Variants in SMLR1 observed in about 807,000 individuals in gnomAD.
SMLR1 encodes small leucine-rich protein 1.
A neutral mutation model predicts 6.1 loss-of-function variants in SMLR1; 3 were observed. The ratio of observed to expected loss-of-function variants is 0.49; its 90% confidence interval spans 0.22 to 1.28. The LOEUF (loss-of-function observed/expected upper bound fraction) is 1.28, where lower values mean the gene tolerates loss of function less well. Among genes scored for constraint, SMLR1 ranks in the 50% most tolerant of loss-of-function variants. SMLR1 has a pLI of 0.19. For synonymous variants in SMLR1, 55 were observed against 53.6 expected (o/e 1.03, Z -0.11); for missense variants, 126 against 124.8 (o/e 1.01, Z -0.05).
rs1774611633 is a variant in SMLR1 at position 130,835,115 on chromosome 6, T to C, written c.*160T>C. The C allele has an allele frequency of 9.5e-6, 6 of 631,856 alleles. No homozygotes were observed. Among genetic ancestry groups the C allele is most frequent in the Non-Finnish European group, 1.6e-5 (6 of 366,682 alleles). The allele number at this position is 631,856 out of a possible 1,614,324, so 39.1% of individuals were successfully genotyped here. ...CTGAACCATACTGAAAAGTGGCAGC[T>C]ATTATCTAAGGGGACTTCTCAGAGA... On this transcript the variant is annotated 3_prime_UTR_variant, in exon 2 of 2. Coordinates refer to ENST00000541421, the MANE Select transcript of SMLR1 (RefSeq NM_001195597.2).
intron 1 of SMLR1, among the ~76,000 whole-genome samples, chr6:130,831,077 G>A (rs1185870776): frequency 1.3e-5 from 2 of 152,320 alleles, no homozygotes; most frequent in East Asian, 1.9e-4. Context: ...CTCGGGGTCT[G>A]GATCTGGACC....
chr6:130,834,865 T>C lies in SMLR1; in HGVS notation c.239-5T>C. On this transcript the variant is annotated splice_region_variant and splice_polypyrimidine_tract_variant and intron_variant, in intron 1 of 1. Coordinates refer to ENST00000541421, the MANE Select transcript of SMLR1 (RefSeq NM_001195597.2). ...CAAATTATTAACTAATATTTTTCCT[T>C]TCAGTTAATGAAGAACTGTCCCAGA... The C allele has an allele frequency of 6.5e-7, 1 of 1,534,036 alleles. No homozygotes were observed. The highest frequency in any genetic ancestry group is 8.7e-7 in the Non-Finnish European group (1 of 1,145,230).
At chr6:130,828,914 C>T (rs777203052) in intron 1 of SMLR1, among the ~76,000 whole-genome samples, 6 of 152,094 alleles carry the variant, frequency 3.9e-5, no homozygotes, top group Non-Finnish European at 7.4e-5. Flanking sequence ...AAGTAGCCTC[C>T]AAAAAGGAAG....
chr6:130,832,674 G>A (rs1181574888), intron 1 of SMLR1, among the ~76,000 whole-genome samples: 1 of 152,132 alleles, frequency 6.6e-6, no homozygotes, highest in Non-Finnish European at 1.5e-5. Flanking sequence ...TATTAAAATA[G>A]TCTTGGGATA....
intron 1 of SMLR1, 143 bp downstream of exon 1, chr6:130,827,794 C>G (rs1209033091): frequency 8.9e-6 from 6 of 676,274 alleles, no homozygotes; most frequent in Non-Finnish European, 1.5e-5. Context: ...TCAGTGTTCT[C>G]TCAAGTTCCT....
At position 130,836,134 on chromosome 6, in the gene SMLR1, G is replaced by A. The variant is rs7756353; in HGVS notation, c.*1179G>A. ...CTAAAATTCTTGATACCCATTCCGT[G>A]AGTAGTTTCCATTTGCACTTCTTGC... On this transcript the variant is annotated 3_prime_UTR_variant, in exon 2 of 2. Transcript: ENST00000541421. 1 of 152,236 alleles carries A rather than the reference G, an allele frequency of 6.6e-6. No homozygotes were observed. Among genetic ancestry groups the A allele is most frequent in the South Asian group, 2.1e-4 (1 of 4,824 alleles). The allele number at this position is 152,236 out of a possible 1,614,324, so 9.4% of individuals were successfully genotyped here. A position where few individuals can be genotyped will look rare whatever the true frequency, so the allele number is the denominator to read the frequency against.
intron 1 of SMLR1, among the ~76,000 whole-genome samples, chr6:130,832,938 G>T (rs755986482): frequency 5.3e-5 from 8 of 152,090 alleles, no homozygotes; most frequent in Non-Finnish European, 1.0e-4. Context: ...TATAACGGGG[G>T]TCATAATAGT....
Position 130,827,422 on chromosome 6 carries a change from CAAAGGCCG to C in SMLR1, c.10_17del (p.Lys4GlufsTer73), listed in dbSNP as rs770347352. On this transcript the variant is annotated frameshift_variant, in exon 1 of 2. Coordinates refer to ENST00000541421, the MANE Select transcript of SMLR1 (RefSeq NM_001195597.2). LOFTEE classifies it high-confidence loss of function. ...AAAAATTCCACTGAGACATGCTGAGCAAAGGCCGGAGCCCCAGAAGAAAACAAGTACAG... is the reference window on the plus strand; with the variant it reads ...AAAAATTCCACTGAGACATGCTGAGCGAGCCCCAGAAGAAAACAAGTACAG... 21 of 1,535,884 alleles carry C rather than the reference CAAAGGCCG, an allele frequency of 1.4e-5. No individual in the cohort carries two copies. The South Asian group carries it at 2.5e-4, about 18-fold the overall frequency.
rs185249198 is a variant in SMLR1 at position 130,834,952 on chromosome 6, G to A, written c.321G>A (p.Thr107=). Residue 107 remains threonine, a synonymous_variant, in exon 2 of 2, where the codon ACG becomes ACA. Transcript: ENST00000541421. ...CCCTGTACCAGAGAATGAAATGGAC[G>A]TGAAGTTGGGGACTTTCCAATAACT... is the stretch of plus-strand genomic sequence containing the variant. ...GSSLYQRMKW[T] is the part of the protein sequence containing the mutation. 5.9e-6 allele frequency: 9 copies of A among 1,534,864 alleles called. No homozygotes were observed. Among genetic ancestry groups the A allele is most frequent in the African/African-American group, 1.4e-5 (1 of 72,970 alleles).
chr6:130,832,790 G>A (rs1267886892), intron 1 of SMLR1, among the ~76,000 whole-genome samples: 1 of 152,160 alleles, frequency 6.6e-6, no homozygotes, highest in African/African-American at 2.4e-5. Context: ...ACCACCTCTG[G>A]AGTATCGAGT....
Position 130,835,920 on chromosome 6 carries a change from C to G in SMLR1, c.*965C>G, listed in dbSNP as rs1264319413. 6.6e-6 allele frequency: 1 copy of G among 152,134 alleles called. No homozygotes were observed. The highest frequency in any genetic ancestry group is 1.5e-5 in the Non-Finnish European group (1 of 68,020). The allele number at this position is 152,134 out of a possible 1,614,324, so 9.4% of individuals were successfully genotyped here. A position where few individuals can be genotyped will look rare whatever the true frequency, so the allele number is the denominator to read the frequency against. On this transcript the variant is annotated 3_prime_UTR_variant, in exon 2 of 2. Coordinates refer to ENST00000541421, the MANE Select transcript of SMLR1 (RefSeq NM_001195597.2). Reference sequence around the variant, plus strand: ...TTCTAAGTGTAAGACTGGTTACATTCCAATCTTTGTGCAGGACATTAACAG... The same window carrying G: ...TTCTAAGTGTAAGACTGGTTACATTGCAATCTTTGTGCAGGACATTAACAG...
chr6:130,834,213 G>T (rs964620397), intron 1 of SMLR1, among the ~76,000 whole-genome samples: 3 of 152,142 alleles, frequency 2.0e-5, no homozygotes, highest in African/African-American at 7.2e-5. Context: ...CTAAGGAGCA[G>T]ATAAAAGCAC....
rs943311101 is a variant in SMLR1, at chr6:130,827,623, C to T, written c.210C>T (p.Ile70=). The T allele has an allele frequency of 3.9e-6, 6 of 1,535,870 alleles. No homozygotes were observed. The highest frequency in any genetic ancestry group is 2.4e-5 in the South Asian group (2 of 84,062). Residue 70 remains isoleucine, a synonymous_variant, in exon 1 of 2, where the codon ATC becomes ATT. Coordinates refer to ENST00000541421, the MANE Select transcript of SMLR1 (RefSeq NM_001195597.2). ...LPVTLLLLLL[I]AYFRIKLIEV... The stretch of plus-strand genomic sequence containing the variant: ...TGACTTTGCTGCTGCTCCTCCTCAT[C>T]GCCTACTTCAGGATCAAACTGATTG...
At chr6:130,833,883 T>C (rs2236081) in intron 1 of SMLR1, among the ~76,000 whole-genome samples, 60,859 of 151,848 alleles carry the variant, frequency 0.4, 13,317 homozygotes, top group East Asian at 0.66. Flanking sequence ...CTGGGGTACA[T>C]GGCATACAAT....
intron 1 of SMLR1, among the ~76,000 whole-genome samples, chr6:130,828,309 A>G (rs956017062): frequency 1.3e-5 from 2 of 152,206 alleles, no homozygotes; most frequent in Admixed American, 1.3e-4. Context: ...ATTCTGCTAT[A>G]ATTAAAATTA....
In SMLR1 at chr6:130,835,164, A is replaced by G. The variant is rs1173347745; in HGVS notation, c.*209A>G. On this transcript the variant is annotated 3_prime_UTR_variant, in exon 2 of 2. Coordinates refer to ENST00000541421, the MANE Select transcript of SMLR1 (RefSeq NM_001195597.2). ...GACTCAGTATAACAGCAGCTCTTGA[A>G]AAGTACCAAGAATGGATTTCCTGGG... 2.4e-5 allele frequency: 13 copies of G among 546,558 alleles called. No homozygotes were observed. In the East Asian group the frequency reaches 3.8e-4, roughly 16 times the overall value. The allele number at this position is 546,558 out of a possible 1,614,324, so 33.9% of individuals were successfully genotyped here. A position where few individuals can be genotyped will look rare whatever the true frequency, so the allele number is the denominator to read the frequency against.
chr6:130,828,643 T>A (rs1774350049), intron 1 of SMLR1, among the ~76,000 whole-genome samples: 2 of 152,104 alleles, frequency 1.3e-5, no homozygotes, highest in African/African-American at 4.8e-5. Context: ...CATAAAGAAA[T>A]CCTAGGAGAC....
intron 1 of SMLR1, among the ~76,000 whole-genome samples, chr6:130,828,196 T>C (rs28753966): frequency 6.6e-6 from 1 of 152,190 alleles, no homozygotes; most frequent in Admixed American, 6.5e-5. Flanking sequence ...AAACGTTCCA[T>C]GGGATTATAG....
Position 130,835,290 on chromosome 6 carries a change from T to C in SMLR1, c.*335T>C, listed in dbSNP as rs1774619041. On this transcript the variant is annotated 3_prime_UTR_variant, in exon 2 of 2. Transcript: ENST00000541421. ...TAAAATTCTGCAGCATCTTACTACATAATCCCATAGGAACCCCTATTATTC... is the reference window on the plus strand; with the variant it reads ...TAAAATTCTGCAGCATCTTACTACACAATCCCATAGGAACCCCTATTATTC... The C allele has an allele frequency of 9.8e-6, 2 of 205,114 alleles. No homozygotes were observed. Among genetic ancestry groups the C allele is most frequent in the Non-Finnish European group, 2.0e-5 (2 of 99,126 alleles). The allele number at this position is 205,114 out of a possible 1,614,324, so 12.7% of individuals were successfully genotyped here.
Sources: allele counts gnomAD v4.1 joint callset (sites outside exome capture counted in the v4.1 genomes callset), GRCh38; gene constraint gnomAD v4.1.1; transcripts MANE v1.5; gene names NCBI Gene and HGNC (gene_info 2026-07-23, HGNC 2026-07-21).